The following KLHL24 variants were observed in gnomAD, a reference collection of about 807,000 sequenced individuals.
KLHL24 encodes kelch like family member 24.
A neutral mutation model predicts 53.4 loss-of-function variants in KLHL24; 29 were observed. The ratio of observed to expected loss-of-function variants is 0.54; its 90% CI spans 0.40 to 0.74. KLHL24 has a LOEUF of 0.74. KLHL24 is among the 30% of genes least tolerant of loss of function. The pLI is 0.00. For synonymous variants in KLHL24, 222 were observed against 253.7 expected (o/e 0.88, Z 1.19); for missense variants, 504 against 744.0 (o/e 0.68, Z 3.75).
At chr3:183,636,794 G>C (rs1245144968) in intron 1 of KLHL24, 1 of 152,016 alleles carries the variant, frequency 6.6e-6, no homozygotes, top group Non-Finnish European at 1.5e-5. Context: ...TTGCAGCTGC[G>C]GCCCGAGTGG....
intron 5 of KLHL24, among the ~76,000 whole-genome samples, chr3:183,666,572 G>A (rs1159838545): frequency 2.6e-5 from 4 of 152,044 alleles, no homozygotes; most frequent in African/African-American, 9.7e-5. Flanking sequence ...AAATATTTTG[G>A]ATTTTTTTCA....
rs917979795 is a variant in KLHL24 at position 183,682,724 on chromosome 3, A to G, written c.*3438A>G. The G allele has an allele frequency of 6.6e-6, 1 of 152,522 alleles. No homozygotes were observed. The highest frequency in any genetic ancestry group is 2.4e-5 in the African/African-American group (1 of 41,412). The allele number at this position is 152,522 out of a possible 1,614,324, so 9.4% of individuals were successfully genotyped here. ...TCTACTGTCAAATAGCCTTTTTGAA[A>G]CTCAGGAAAGACAAAGGTTCAATTA... On this transcript the variant is annotated 3_prime_UTR_variant, in exon 8 of 8. Coordinates refer to ENST00000242810, the MANE Select transcript of KLHL24 (RefSeq NM_017644.3).
At chr3:183,665,286 T>TGAGATG (rs1720369842) in intron 5 of KLHL24, among the ~76,000 whole-genome samples, 1 of 152,212 alleles carries the variant, frequency 6.6e-6, no homozygotes, top group Non-Finnish European at 1.5e-5. Flanking sequence ...ATCACTGAAG[T>TGAGATG]CCAAATGCCT....
At chr3:183,662,138 C>T (rs868617537) in intron 3 of KLHL24, among the ~76,000 whole-genome samples, 4 of 152,158 alleles carry the variant, frequency 2.6e-5, no homozygotes, top group African/African-American at 7.2e-5. Flanking sequence ...TATATAATTT[C>T]CTGGATTCCT....
At chr3:183,658,412 G>A (rs1015479975) in intron 3 of KLHL24, among the ~76,000 whole-genome samples, 3 of 152,150 alleles carry the variant, frequency 2.0e-5, no homozygotes. Context: ...TCTTTTGAAA[G>A]AGCTATATGG....
At chr3:183,654,521 T>C (rs1333687342) in intron 3 of KLHL24, among the ~76,000 whole-genome samples, 2 of 147,022 alleles carry the variant, frequency 1.4e-5, no homozygotes, top group Admixed American at 6.6e-5. Context: ...TTTATATATG[T>C]TTTTTAGTTG....
chr3:183,672,501 G>A lies in KLHL24; in HGVS notation c.1602+17G>A. 1.3e-6 allele frequency: 2 copies of A among 1,545,066 alleles called. No homozygotes were observed. The highest frequency in any genetic ancestry group is 1.2e-5 in the South Asian group (1 of 83,704). On this transcript the variant is annotated intron_variant, in intron 7 of 7. Transcript: ENST00000242810. Reference sequence around the variant, plus strand: ...AGCCGTCAGGTAATAACATAAAGCAGTACAAAAGAAAAATAAATCTAAGAG... The same window carrying A: ...AGCCGTCAGGTAATAACATAAAGCAATACAAAAGAAAAATAAATCTAAGAG...
chr3:183,653,240 T>C (rs1718377061), intron 3 of KLHL24, among the ~76,000 whole-genome samples: 2 of 152,198 alleles, frequency 1.3e-5, no homozygotes, highest in African/African-American at 4.8e-5. Context: ...ATATTTATTT[T>C]ATGTGGGCAT....
At chr3:183,672,253 T>C in intron 6 of KLHL24, 43 bp from the exon 7 acceptor site, 1 of 1,055,168 alleles carries the variant, frequency 9.5e-7, no homozygotes, top group Non-Finnish European at 1.3e-6. Flanking sequence ...ACATTTCCAT[T>C]TTTGTTTAGA....
rs539215067 is a variant in KLHL24 at position 183,639,406 on chromosome 3, A to G, written c.-125+3613A>G. ...AGCACTTTGGGAGGCCAAGGCGGGC[A>G]GATCACAAGGTCAGGAGATCAAGAC... On this transcript the variant is annotated intron_variant, in intron 1 of 7. Coordinates refer to ENST00000242810, the MANE Select transcript of KLHL24 (RefSeq NM_017644.3). 5.6e-3 allele frequency among the ~76,000 whole-genome samples: 847 copies of G among 150,302 alleles called. 6 individuals are homozygous for G. Among genetic ancestry groups the G allele is most frequent in the African/African-American group, 0.019 (788 of 40,848 alleles).
intron 5 of KLHL24, among the ~76,000 whole-genome samples, chr3:183,669,068 G>T (rs2108866096): frequency 6.6e-6 from 1 of 152,226 alleles, no homozygotes; most frequent in African/African-American, 2.4e-5. Flanking sequence ...TTAATCTAGA[G>T]GCCTTTTGTC....
chr3:183,651,690 C>T (rs1373198428), intron 3 of KLHL24, among the ~76,000 whole-genome samples: 1 of 152,172 alleles, frequency 6.6e-6, no homozygotes, highest in Non-Finnish European at 1.5e-5. Context: ...CACAGGGGCT[C>T]ACACCTATAA....
intron 1 of KLHL24, chr3:183,636,694 T>G (rs1715286648): frequency 6.6e-6 from 1 of 152,312 alleles, no homozygotes; most frequent in East Asian, 1.9e-4. Context: ...CGAGTTTTTA[T>G]TGTCACTAGG....
At chr3:183,646,695 A>G (rs1717298959) in intron 2 of KLHL24, among the ~76,000 whole-genome samples, 1 of 152,206 alleles carries the variant, frequency 6.6e-6, no homozygotes, top group Non-Finnish European at 1.5e-5. Context: ...TATGAAGAGA[A>G]TTTTTAAAAT....
At chr3:183,661,604 A>C (rs986894733) in intron 3 of KLHL24, among the ~76,000 whole-genome samples, 3 of 152,198 alleles carry the variant, frequency 2.0e-5, no homozygotes, top group African/African-American at 7.2e-5. Context: ...CAGACATTGA[A>C]GTTACCCTTT....
chr3:183,639,131 C>T (rs916814574), intron 1 of KLHL24, among the ~76,000 whole-genome samples: 1 of 151,644 alleles, frequency 6.6e-6, no homozygotes, highest in East Asian at 1.9e-4. Flanking sequence ...AACCGGGAGG[C>T]GGAGGTTGCA....
rs183051374 is a variant in KLHL24, at chr3:183,675,882, A to C, written c.1603-3204A>C. Among the ~76,000 whole-genome samples the C allele has an allele frequency of 1.9e-4, 29 of 152,350 alleles. No homozygotes were observed. The East Asian group carries it at 5.2e-3, about 27-fold the overall frequency. On this transcript the variant is annotated intron_variant, in intron 7 of 7. Transcript: ENST00000242810. ...AGGAAGATAATTGCCAGTATGTAGC[A>C]TATTGCAGGGCATACATGAATATTT... is the stretch of plus-strand genomic sequence containing the variant.
chr3:183,647,723 G>A (rs1046784812), intron 2 of KLHL24, among the ~76,000 whole-genome samples: 1 of 150,910 alleles, frequency 6.6e-6, no homozygotes, highest in African/African-American at 2.4e-5. Context: ...AACATAACAG[G>A]CTGAGCGCAG....
chr3:183,682,433 A>G lies in KLHL24; in HGVS notation c.*3147A>G, dbSNP rs540394814. 9.2e-5 allele frequency: 14 copies of G among 152,658 alleles called. No individual in the cohort carries two copies. The highest frequency in any genetic ancestry group is 2.6e-4 in the African/African-American group (11 of 41,546). 9.5% of individuals were successfully genotyped at this position (152,658 alleles called of 1,614,324 possible). ...ACCTTTTTATTTCCTAGATGATTGA[A>G]ATATAGGTATTTACTCCATTTAAAC... On this transcript the variant is annotated 3_prime_UTR_variant, in exon 8 of 8. Coordinates refer to ENST00000242810, the MANE Select transcript of KLHL24 (RefSeq NM_017644.3).
Sources: allele counts gnomAD v4.1 joint callset (sites outside exome capture counted in the v4.1 genomes callset), GRCh38; gene constraint gnomAD v4.1.1; transcripts MANE v1.5; gene names NCBI Gene and HGNC (gene_info 2026-07-23, HGNC 2026-07-21).